MACROD2: variants seen among roughly 807,000 people sequenced by gnomAD.
MACROD2 encodes mono-ADP ribosylhydrolase 2.
Under a neutral mutation model 70.4 loss-of-function variants are expected in MACROD2, and 36 were observed. The ratio of observed to expected loss-of-function variants is 0.51; its 90% CI spans 0.39 to 0.68. The LOEUF (loss-of-function observed/expected upper bound fraction) is 0.68, where lower values mean the gene tolerates loss of function less well. Ranked by LOEUF, MACROD2 falls within the 30% of genes least tolerant of loss-of-function variation. MACROD2 has a pLI of 0.00. For missense variants in MACROD2, 496 were observed against 538.4 expected (o/e 0.92, Z 0.78); for synonymous variants, 172 against 178.8 (o/e 0.96, Z 0.30).
chr20:15,305,868 CT>C (rs776688680), intron 6 of MACROD2, among the ~76,000 whole-genome samples: 16 of 152,208 alleles, frequency 1.1e-4, no homozygotes, highest in Admixed American at 3.9e-4. Flanking sequence ...ATGGTCTAAC[CT>C]TTTTCTTTCC....
At chr20:15,284,865 C>T (rs2077477113) in intron 6 of MACROD2, among the ~76,000 whole-genome samples, 1 of 152,112 alleles carries the variant, frequency 6.6e-6, no homozygotes, top group African/African-American at 2.4e-5. Context: ...TTTTTATATA[C>T]AAACATATAT....
At chr20:14,775,977 A>G (rs928850812) in intron 5 of MACROD2, among the ~76,000 whole-genome samples, 1 of 152,048 alleles carries the variant, frequency 6.6e-6, no homozygotes, top group African/African-American at 2.4e-5. Context: ...AATCTTAGTC[A>G]CAACAAGTCC....
intron 7 of MACROD2, among the ~76,000 whole-genome samples, chr20:15,498,949 G>A (rs530275044): frequency 6.6e-5 from 10 of 152,298 alleles, no homozygotes; most frequent in Admixed American, 2.6e-4. Context: ...CTCAAAGAGC[G>A]TAGTTTCAGT....
At chr20:15,032,244 G>T (rs990853264) in intron 5 of MACROD2, among the ~76,000 whole-genome samples, 10 of 152,212 alleles carry the variant, frequency 6.6e-5, no homozygotes, top group Non-Finnish European at 1.5e-4. Context: ...AGCTGTGGCT[G>T]GGCGACTGCA....
chr20:15,970,360 A>G (rs1332335144), intron 13 of MACROD2, among the ~76,000 whole-genome samples: 1 of 152,218 alleles, frequency 6.6e-6, no homozygotes, highest in Non-Finnish European at 1.5e-5. Flanking sequence ...TGGAGTTAAG[A>G]TATGCATAAC....
At position 14,803,809 on chromosome 20, in the gene MACROD2, T is replaced by A. The variant is rs145329905; in HGVS notation, c.418+118850T>A. 3.9e-3 allele frequency among the ~76,000 whole-genome samples: 588 copies of A among 152,230 alleles called. 6 individuals carry two copies. The highest frequency in any genetic ancestry group is 0.013 in the African/African-American group (533 of 41,516). ...TCTTTATTAATTTAAAGTTTGCCTA[T>A]TTTTAACATATAACTGTTACTGTCA... On this transcript the variant is annotated intron_variant, in intron 5 of 17. Coordinates refer to ENST00000684519, the MANE Select transcript of MACROD2 (RefSeq NM_001351661.2).
At chr20:15,878,294 T>C (rs905347702) in intron 9 of MACROD2, among the ~76,000 whole-genome samples, 1 of 152,166 alleles carries the variant, frequency 6.6e-6, no homozygotes, top group African/African-American at 2.4e-5. Context: ...AGTTGAAATA[T>C]TGGACATCTA....
intron 5 of MACROD2, among the ~76,000 whole-genome samples, chr20:15,048,743 T>A (rs1435284235): frequency 1.3e-5 from 2 of 152,112 alleles, no homozygotes; most frequent in African/African-American, 4.8e-5. Flanking sequence ...TGGTGCTAAG[T>A]CTAAAGCATA....
At chr20:14,252,419 G>A (rs1344871853) in intron 3 of MACROD2, among the ~76,000 whole-genome samples, 1 of 151,752 alleles carries the variant, frequency 6.6e-6, no homozygotes, top group Non-Finnish European at 1.5e-5. Flanking sequence ...TTCTTTCACT[G>A]TATAAAAACC....
chr20:14,748,625 A>G lies in MACROD2; in HGVS notation c.418+63666A>G, dbSNP rs532539126. Among the ~76,000 whole-genome samples the G allele has an allele frequency of 2.1e-3, 320 of 152,262 alleles. 2 individuals carry two copies. Among genetic ancestry groups the G allele is most frequent in the Admixed American group, 4.8e-3 (73 of 15,296 alleles). ...TGACTTAAATGTATCATTGCTTAGT[A>G]TAAGGGTGGACTCTAGACAGCCTTT... On this transcript the variant is annotated intron_variant, in intron 5 of 17. Coordinates refer to ENST00000684519, the MANE Select transcript of MACROD2 (RefSeq NM_001351661.2).
Position 14,002,408 on chromosome 20 carries a change from A to G in MACROD2, c.163+4A>G. 6.4e-7 allele frequency: 1 copy of G among 1,556,042 alleles called. No individual in the cohort carries two copies. The highest frequency in any genetic ancestry group is 8.7e-7 in the Non-Finnish European group (1 of 1,143,872). Reference sequence around the variant, plus strand: ...AAGGGCAAGGGCCAAAATGATGGTAAGTTTCTCGGAACATTTTTTAGGTAG... The same window carrying G: ...AAGGGCAAGGGCCAAAATGATGGTAGGTTTCTCGGAACATTTTTTAGGTAG... On this transcript the variant is annotated splice_donor_region_variant and intron_variant, in intron 2 of 17. Transcript: ENST00000684519.
chr20:15,185,469 T>A (rs76159985), intron 5 of MACROD2, among the ~76,000 whole-genome samples: 3,082 of 152,308 alleles, frequency 0.02, 108 homozygotes, highest in African/African-American at 0.071. Context: ...AGCAACATGC[T>A]GTATCATTTA....
intron 6 of MACROD2, among the ~76,000 whole-genome samples, chr20:15,254,915 G>C (rs1207208627): frequency 2.7e-5 from 4 of 149,398 alleles, no homozygotes; most frequent in Non-Finnish European, 5.9e-5. Context: ...AAACCATTTG[G>C]GGCCAAAGCA....
chr20:14,837,610 C>T lies in MACROD2; in HGVS notation c.418+152651C>T, dbSNP rs184381947. Among the ~76,000 whole-genome samples, 87 of 152,164 alleles carry T rather than the reference C, an allele frequency of 5.7e-4. 3 individuals carry two copies. In the East Asian group the frequency reaches 0.015, roughly 27 times the overall value. The stretch of plus-strand genomic sequence containing the variant: ...TCAGGTGTCTGAGATGGTACTACAA[C>T]AGGCTACTTGAGATAAGAGTGACCA... On this transcript the variant is annotated intron_variant, in intron 5 of 17. Transcript: ENST00000684519.
intron 8 of MACROD2, among the ~76,000 whole-genome samples, chr20:15,813,403 G>C (rs528900284): frequency 2.6e-5 from 4 of 152,314 alleles, no homozygotes; most frequent in Non-Finnish European, 4.4e-5. Flanking sequence ...TTTTGAGCTA[G>C]GGAAGCAGGG....
chr20:14,705,821 T>A (rs2071262167), intron 5 of MACROD2, among the ~76,000 whole-genome samples: 1 of 152,190 alleles, frequency 6.6e-6, no homozygotes, highest in Non-Finnish European at 1.5e-5. Flanking sequence ...TGATTCTAGA[T>A]GTTTTGCTTC....
intron 6 of MACROD2, among the ~76,000 whole-genome samples, chr20:15,242,649 A>C (rs1387711569): frequency 1.3e-5 from 2 of 152,198 alleles, no homozygotes; most frequent in East Asian, 3.8e-4. Context: ...GTAAGAAAAC[A>C]TTTATTTAGT....
intron 8 of MACROD2, among the ~76,000 whole-genome samples, chr20:15,500,972 T>C (rs1042409513): frequency 6.6e-6 from 1 of 152,182 alleles, no homozygotes; most frequent in African/African-American, 2.4e-5. Flanking sequence ...CTTTGACACA[T>C]TTTATTTTCT....
chr20:14,327,872 C>T (rs2082764036), intron 3 of MACROD2, among the ~76,000 whole-genome samples: 3 of 151,864 alleles, frequency 2.0e-5, no homozygotes, highest in Admixed American at 2.0e-4. Context: ...TTATATCAAC[C>T]TTTAGACAGT....
Sources: allele counts gnomAD v4.1 joint callset (sites outside exome capture counted in the v4.1 genomes callset), GRCh38; gene constraint gnomAD v4.1.1; transcripts MANE v1.5; gene names NCBI Gene and HGNC (gene_info 2026-07-23, HGNC 2026-07-21).